TENT5B: variants seen among roughly 807,000 people sequenced by gnomAD.
TENT5B encodes family with sequence similarity 46 member B.
A neutral mutation model predicts 21.7 loss-of-function variants in TENT5B; 12 were observed. The observed-to-expected ratio is 0.55, with a 90% CI of 0.36 to 0.90. The LOEUF (loss-of-function observed/expected upper bound fraction) is 0.90, where lower values mean the gene tolerates loss of function less well. Ranked by LOEUF, TENT5B falls within the 40% of genes least tolerant of loss-of-function variation. The pLI, the probability that TENT5B is intolerant of heterozygous loss-of-function variation, is 0.01. For missense variants in TENT5B, 540 were observed against 601.5 expected, an observed-to-expected ratio of 0.90 and a Z score of 1.07; for synonymous variants, 262 against 266.6, an observed-to-expected ratio of 0.98 and a Z score of 0.17.
chr1:27,007,010 C>A (rs1197844427), intron 1 of TENT5B, 53 bp from the exon 2 acceptor site: 51 of 1,494,806 alleles, frequency 3.4e-5, no homozygotes, highest in Non-Finnish European at 4.5e-5. Flanking sequence ...CAGGGGTCCA[C>A]CAAGGACTTC....
intron 1 of TENT5B, among the ~76,000 whole-genome samples, chr1:27,012,152 G>A (rs541206837): frequency 8.1e-4 from 124 of 152,274 alleles, no homozygotes; most frequent in Middle Eastern, 3.4e-3. Flanking sequence ...CCCTCTCCCA[G>A]CCAGGCCCTG....
At chr1:27,011,132 G>GT (rs1370512260) in intron 1 of TENT5B, among the ~76,000 whole-genome samples, 1 of 152,144 alleles carries the variant, frequency 6.6e-6, no homozygotes, top group Non-Finnish European at 1.5e-5. Context: ...AATCACCCAG[G>GT]TGACAGCGAG....
intron 1 of TENT5B, among the ~76,000 whole-genome samples, chr1:27,011,994 G>T (rs748931596): frequency 2.0e-5 from 3 of 152,202 alleles, no homozygotes; most frequent in Non-Finnish European, 4.4e-5. Context: ...AGAGAGGAAA[G>T]GAGGGTGAGG....
chr1:27,005,772 C>T lies in TENT5B; in HGVS notation c.*172G>A. 3.5e-6 allele frequency: 3 copies of T among 855,962 alleles called. No homozygotes were observed. Among genetic ancestry groups the T allele is most frequent in the East Asian group, 2.9e-5 (1 of 34,034 alleles). 53.0% of individuals were successfully genotyped at this position (855,962 alleles called of 1,614,324 possible). On this transcript the variant is annotated 3_prime_UTR_variant, in exon 2 of 2. Coordinates refer to ENST00000289166, the MANE Select transcript of TENT5B (RefSeq NM_052943.4). ...CTGAGAGCCCCAGGCTGGCATTAAGCCCACAGGGGCCTCGTGCTCGGGAAA... is the reference window on the plus strand; with the variant it reads ...CTGAGAGCCCCAGGCTGGCATTAAGTCCACAGGGGCCTCGTGCTCGGGAAA...
intron 1 of TENT5B, among the ~76,000 whole-genome samples, chr1:27,012,168 G>C (rs1233592510): frequency 1.3e-5 from 2 of 152,164 alleles, no homozygotes; most frequent in African/African-American, 4.8e-5. Flanking sequence ...CCCTGGGTGA[G>C]TGATCCGTGG....
chr1:27,009,113 C>T (rs372047800), intron 1 of TENT5B, among the ~76,000 whole-genome samples: 11 of 148,480 alleles, frequency 7.4e-5, no homozygotes, highest in African/African-American at 1.5e-4. Flanking sequence ...ACTACAGGTG[C>T]GTGCGTGCCA....
chr1:27,011,576 TGTG>T (rs1370955046), intron 1 of TENT5B, among the ~76,000 whole-genome samples: 1 of 152,168 alleles, frequency 6.6e-6, no homozygotes, highest in East Asian at 1.9e-4. Flanking sequence ...ATGACCACAC[TGTG>T]GTATTTCAGA....
rs971671168 is a variant in TENT5B, at chr1:27,012,654, C to T, written c.17G>A (p.Ser6Asn). Residue 6 changes from serine to asparagine, a missense_variant, in exon 1 of 2, where the codon AGC (serine) becomes AAC (asparagine). Coordinates refer to ENST00000289166, the MANE Select transcript of TENT5B (RefSeq NM_052943.4). Reference sequence around the variant, plus strand: ...CGCCCGGTCCCTGCGCTCAGCTCCGCTCTCCGACGGCATCATCCGCCCGGC... The same window carrying T: ...CGCCCGGTCCCTGCGCTCAGCTCCGTTCTCCGACGGCATCATCCGCCCGGC... Reference protein sequence around the residue: MMPSESGAERRDRAAA... With the variant: MMPSENGAERRDRAAA... 5.3e-5 allele frequency: 78 copies of T among 1,475,214 alleles called. No individual in the cohort carries two copies. The highest frequency in any genetic ancestry group is 6.7e-5 in the Non-Finnish European group (75 of 1,125,840). The allele number at this position is 1,475,214 out of a possible 1,614,324, so 91.4% of individuals were successfully genotyped here.
At chr1:27,012,292 T>C in intron 1 of TENT5B, 115 bp downstream of exon 1, 1 of 1,464,446 alleles carries the variant, frequency 6.8e-7, no homozygotes, top group Non-Finnish European at 9.2e-7. Flanking sequence ...TACAGCCATG[T>C]CCCCGTTCCT....
In TENT5B at chr1:27,005,034, T is replaced by C. The variant is rs1307277635; in HGVS notation, c.*910A>G. ...TGGCACTAAGGTTCAGTGTAGACCG[T>C]CTTTATTGGCAGGTGTTAAGAGTGC... On this transcript the variant is annotated 3_prime_UTR_variant, in exon 2 of 2. Coordinates refer to ENST00000289166, the MANE Select transcript of TENT5B (RefSeq NM_052943.4). The C allele has an allele frequency of 6.6e-6, 1 of 152,580 alleles. No homozygotes were observed. The highest frequency in any genetic ancestry group is 1.5e-5 in the Non-Finnish European group (1 of 68,044). The allele number at this position is 152,580 out of a possible 1,614,324, so 9.5% of individuals were successfully genotyped here.
chr1:27,007,728 A>C (rs767733906), intron 1 of TENT5B, among the ~76,000 whole-genome samples: 1 of 152,172 alleles, frequency 6.6e-6, no homozygotes, highest in African/African-American at 2.4e-5. Flanking sequence ...ACTGCTAGTA[A>C]AACAGTTCTG....
chr1:27,010,842 C>T (rs1376914788), intron 1 of TENT5B, among the ~76,000 whole-genome samples: 1 of 152,202 alleles, frequency 6.6e-6, no homozygotes, highest in Admixed American at 6.5e-5. Flanking sequence ...CTAGGAGCAC[C>T]TGAAGGGATG....
chr1:27,009,566 C>CTG (rs1247574055), intron 1 of TENT5B, among the ~76,000 whole-genome samples: 2 of 152,234 alleles, frequency 1.3e-5, no homozygotes, highest in Non-Finnish European at 2.9e-5. Context: ...GCAGTCCAGC[C>CTG]TGTGGGACTT....
At chr1:27,010,195 C>T (rs2082617495) in intron 1 of TENT5B, among the ~76,000 whole-genome samples, 1 of 152,180 alleles carries the variant, frequency 6.6e-6, no homozygotes, top group African/African-American at 2.4e-5. Context: ...GGTTACACAA[C>T]CAATAAAAGG....
In TENT5B at chr1:27,006,416, C is replaced by T. The variant is rs142452050; in HGVS notation, c.806G>A (p.Arg269His). 84 of 1,613,398 alleles carry T rather than the reference C, an allele frequency of 5.2e-5. No homozygotes were observed. Among genetic ancestry groups the T allele is most frequent in the African/African-American group, 3.9e-4 (29 of 75,068 alleles). ...ACCACCTCGGATCTCCTCGGGACTGCGCGTGGCGATGACACGGTGCCGCAG... is the reference window on the plus strand; with the variant it reads ...ACCACCTCGGATCTCCTCGGGACTGTGCGTGGCGATGACACGGTGCCGCAG... ...EHLRHRVIAT[R>H]SPEEIRGGGL... Residue 269 changes from arginine (R) to histidine (H), a missense_variant, in exon 2 of 2, where the codon CGC becomes CAC. Transcript: ENST00000289166. This position sits in a 1 kb window ranked among gnomAD's most constrained non-coding sequence, Gnocchi z 9.4.
In TENT5B at chr1:27,006,067, A is replaced by C; in HGVS notation, c.1155T>G (p.Thr385=). Reference sequence around the variant, plus strand: ...CTGGAGGGCGCCAGGCCAGGGCGGCAGTGGCAGCTGGGCCCTGCTCAGCCA... The same window carrying C: ...CTGGAGGGCGCCAGGCCAGGGCGGCCGTGGCAGCTGGGCCCTGCTCAGCCA... ...QALAEQGPAA[T]AALAWRPPGT... The change falls in exon 2 of 2, where the codon ACT becomes ACG. Residue 385 remains threonine (T), a synonymous_variant. Coordinates refer to ENST00000289166, the MANE Select transcript of TENT5B (RefSeq NM_052943.4). This position sits in a 1 kb window ranked among gnomAD's most constrained non-coding sequence, Gnocchi z 9.4. The C allele has an allele frequency of 6.2e-7, 1 of 1,611,418 alleles. No homozygotes were observed. Among genetic ancestry groups the C allele is most frequent in the Non-Finnish European group, 8.5e-7 (1 of 1,178,800 alleles).
chr1:27,010,551 C>A (rs545464933), intron 1 of TENT5B, among the ~76,000 whole-genome samples: 1 of 152,278 alleles, frequency 6.6e-6, no homozygotes, highest in African/African-American at 2.4e-5. Context: ...CCTTTGGAGT[C>A]TGGAACCAGA....
In TENT5B at chr1:27,006,716, A is replaced by T; in HGVS notation, c.506T>A (p.Leu169His). Residue 169 changes from leucine to histidine, a missense_variant, in exon 2 of 2, where the codon CTC (leucine) becomes CAC (histidine). By Grantham distance (99) the Leu-to-His change is moderately conservative. Transcript: ENST00000289166. This position sits in a 1 kb window ranked among gnomAD's most constrained non-coding sequence, Gnocchi z 9.4. ...CAGCTTCTGCACGTATGCCTCCTTGAGTGTCAGTGGCGTGATCTTGGCCCG... is the reference window on the plus strand; with the variant it reads ...CAGCTTCTGCACGTATGCCTCCTTGTGTGTCAGTGGCGTGATCTTGGCCCG... ...VSRAKITPLT[L>H]KEAYVQKLVK... is the part of the protein sequence containing the mutation. 2 of 1,613,994 alleles carry T rather than the reference A, an allele frequency of 1.2e-6. No individual in the cohort carries two copies. The highest frequency in any genetic ancestry group is 1.7e-6 in the Non-Finnish European group (2 of 1,179,998).
In TENT5B at chr1:27,012,485, A is replaced by G. The variant is rs1371945289; in HGVS notation, c.186T>C (p.Ala62=). Reference sequence around the variant, plus strand: ...GAATGGGAATCGGCTCGCTCAGAAGAGCGTCCAGTCGCTTCACCTGTGGCC... The same window carrying G: ...GAATGGGAATCGGCTCGCTCAGAAGGGCGTCCAGTCGCTTCACCTGTGGCC... ...LSWPQVKRLD[A]LLSEPIPIHG... is the part of the protein sequence containing the mutation. Residue 62 remains alanine (A), a synonymous_variant, in exon 1 of 2, where the codon GCT becomes GCC. Coordinates refer to ENST00000289166, the MANE Select transcript of TENT5B (RefSeq NM_052943.4). The G allele has an allele frequency of 2.5e-6, 4 of 1,610,112 alleles. No individual in the cohort carries two copies.
Sources: allele counts gnomAD v4.1 joint callset (sites outside exome capture counted in the v4.1 genomes callset), GRCh38; gene constraint gnomAD v4.1.1; non-coding constraint Gnocchi (gnomAD v3.1); transcripts MANE v1.5; gene names NCBI Gene and HGNC (gene_info 2026-07-23, HGNC 2026-07-21).